The following PEX13 variants were observed in gnomAD, a reference collection of about 807,000 sequenced individuals.
PEX13 encodes peroxisome biogenesis factor 13.
Under a neutral mutation model 34.5 loss-of-function variants are expected in PEX13, and 28 were observed. That is an observed-to-expected ratio of 0.81 (90% CI 0.60 to 1.11). The LOEUF (loss-of-function observed/expected upper bound fraction) is 1.11. Among genes scored for constraint, PEX13 ranks in the 50% most tolerant of loss-of-function variants. PEX13 has a pLI of 0.00. For missense variants in PEX13, 550 were observed against 491.0 expected, an observed-to-expected ratio of 1.12 and a Z score of -1.13; for synonymous variants, 177 against 175.1, an observed-to-expected ratio of 1.01 and a Z score of -0.09.
intron 3 of PEX13, among the ~76,000 whole-genome samples, chr2:61,047,471 T>C (rs1039705847): frequency 2.6e-5 from 4 of 152,190 alleles, no homozygotes. Context: ...ATTTTTCTTA[T>C]AGGGAAAATA....
chr2:61,032,726 T>G (rs1368522003), intron 2 of PEX13, among the ~76,000 whole-genome samples: 2 of 152,194 alleles, frequency 1.3e-5, no homozygotes, highest in Non-Finnish European at 2.9e-5. Flanking sequence ...ATTAGCTCAC[T>G]TTAGAAAAGA....
chr2:61,039,927 A>G (rs1680594760), intron 2 of PEX13, among the ~76,000 whole-genome samples: 1 of 152,250 alleles, frequency 6.6e-6, no homozygotes, highest in African/African-American at 2.4e-5. Context: ...AAAGTAGGCA[A>G]AAGATATGAA....
At chr2:61,027,159 A>G (rs1369361087) in intron 1 of PEX13, among the ~76,000 whole-genome samples, 1 of 150,838 alleles carries the variant, frequency 6.6e-6, no homozygotes, top group Non-Finnish European at 1.5e-5. Flanking sequence ...ACCCATTTCT[A>G]CAAAAAATAT....
At chr2:61,029,521 T>C (rs750943260) in intron 1 of PEX13, among the ~76,000 whole-genome samples, 17 of 152,222 alleles carry the variant, frequency 1.1e-4, no homozygotes, top group Non-Finnish European at 2.2e-4. Flanking sequence ...GCAGCATTAT[T>C]TGTAATAGCC....
Position 61,048,600 on chromosome 2 carries a change from GTTTC to G in PEX13, c.1043_1046del (p.Val348AlafsTer12), listed in dbSNP as rs1680746890. On this transcript the variant is annotated frameshift_variant, in exon 4 of 4. Transcript: ENST00000295030. LOFTEE classifies it high-confidence loss of function. ...TAGGAAAACGGTGGAATCAAGTAAAGTTTCCAAGCAGCAACAATCTTTTACCAAC... is the reference window on the plus strand; with the variant it reads ...TAGGAAAACGGTGGAATCAAGTAAAGCAAGCAGCAACAATCTTTTACCAAC... 2 of 1,614,008 alleles carry G rather than the reference GTTTC, an allele frequency of 1.2e-6. No individual in the cohort carries two copies. Among genetic ancestry groups the G allele is most frequent in the African/African-American group, 2.7e-5 (2 of 74,898 alleles).
rs1230117153 is a variant in PEX13 at position 61,051,181 on chromosome 2, A to G, written c.*2411A>G. On this transcript the variant is annotated 3_prime_UTR_variant, in exon 4 of 4. Coordinates refer to ENST00000295030, the MANE Select transcript of PEX13 (RefSeq NM_002618.4). The stretch of plus-strand genomic sequence containing the variant: ...TCCAACACCCAGGTATTAGCCTTGA[A>G]GTTGAAGAGATAAGGTTTCTTGTAT... 6.6e-6 allele frequency: 1 copy of G among 152,284 alleles called. No homozygotes were observed. The highest frequency in any genetic ancestry group is 2.1e-4 in the South Asian group (1 of 4,834). The allele number at this position is 152,284 out of a possible 1,614,324, so 9.4% of individuals were successfully genotyped here.
rs1289858501 is a variant in PEX13 at position 61,049,887 on chromosome 2, T to G, written c.*1117T>G. 6.6e-6 allele frequency: 1 copy of G among 152,334 alleles called. No individual in the cohort carries two copies. Among genetic ancestry groups the G allele is most frequent in the Non-Finnish European group, 1.5e-5 (1 of 68,050 alleles). 9.4% of individuals were successfully genotyped at this position (152,334 alleles called of 1,614,324 possible). On this transcript the variant is annotated 3_prime_UTR_variant, in exon 4 of 4. Coordinates refer to ENST00000295030, the MANE Select transcript of PEX13 (RefSeq NM_002618.4). Reference sequence around the variant, plus strand: ...CCTACAACAAATACTTGAGTTCTTTTGAGTTTGCACTTAATGATATAATCA... The same window carrying G: ...CCTACAACAAATACTTGAGTTCTTTGGAGTTTGCACTTAATGATATAATCA...
chr2:61,027,789 T>C (rs1307116747), intron 1 of PEX13, among the ~76,000 whole-genome samples: 2 of 152,190 alleles, frequency 1.3e-5, no homozygotes, highest in Non-Finnish European at 2.9e-5. Context: ...TCTCTATTAT[T>C]GCTTATACTT....
intron 1 of PEX13, among the ~76,000 whole-genome samples, chr2:61,023,780 T>C (rs952277596): frequency 6.8e-6 from 1 of 147,878 alleles, no homozygotes; most frequent in Non-Finnish European, 1.5e-5. Context: ...GCCATCTCTG[T>C]CTTTTGTTTT....
chr2:61,050,517 A>G lies in PEX13; in HGVS notation c.*1747A>G, dbSNP rs1680779168. 1 of 152,528 alleles carries G rather than the reference A, an allele frequency of 6.6e-6. No homozygotes were observed. Among genetic ancestry groups the G allele is most frequent in the South Asian group, 2.1e-4 (1 of 4,834 alleles). The allele number at this position is 152,528 out of a possible 1,614,324, so 9.4% of individuals were successfully genotyped here. On this transcript the variant is annotated 3_prime_UTR_variant, in exon 4 of 4. Coordinates refer to ENST00000295030, the MANE Select transcript of PEX13 (RefSeq NM_002618.4). ...AAACTTCATATACTTGGCTACGAACATACTACAGAGTAATACTATCAGGAA... is the reference window on the plus strand; with the variant it reads ...AAACTTCATATACTTGGCTACGAACGTACTACAGAGTAATACTATCAGGAA...
chr2:61,041,866 G>A (rs1010712697), intron 2 of PEX13, among the ~76,000 whole-genome samples: 2 of 152,210 alleles, frequency 1.3e-5, no homozygotes, highest in Admixed American at 6.5e-5. Flanking sequence ...GGAAGTAAGA[G>A]AGGGTGTGAT....
Position 61,051,558 on chromosome 2 carries a change from G to C in PEX13, c.*2788G>C, listed in dbSNP as rs912360247. The C allele has an allele frequency of 6.6e-6, 1 of 152,268 alleles. No individual in the cohort carries two copies. Among genetic ancestry groups the C allele is most frequent in the Non-Finnish European group, 1.5e-5 (1 of 68,014 alleles). 9.4% of individuals were successfully genotyped at this position (152,268 alleles called of 1,614,324 possible). A position where few individuals can be genotyped will look rare whatever the true frequency, so the allele number is the denominator to read the frequency against. ...CAGGACTAGAATAAAGAGAAATTTTGTAACCTTTTTTATCATGACAGTTTT... is the reference window on the plus strand; with the variant it reads ...CAGGACTAGAATAAAGAGAAATTTTCTAACCTTTTTTATCATGACAGTTTT... On this transcript the variant is annotated 3_prime_UTR_variant, in exon 4 of 4. Coordinates refer to ENST00000295030, the MANE Select transcript of PEX13 (RefSeq NM_002618.4).
At chr2:61,019,426 A>T (rs1483311577) in intron 1 of PEX13, among the ~76,000 whole-genome samples, 1 of 151,402 alleles carries the variant, frequency 6.6e-6, no homozygotes, top group Non-Finnish European at 1.5e-5. Flanking sequence ...GATGTTTTTG[A>T]TTTTAATACA....
At chr2:61,024,439 T>G (rs1680315746) in intron 1 of PEX13, among the ~76,000 whole-genome samples, 1 of 152,248 alleles carries the variant, frequency 6.6e-6, no homozygotes, top group Non-Finnish European at 1.5e-5. Context: ...TTCTTATGCT[T>G]CATTCTGGGT....
At chr2:61,031,023 C>T (rs1680440308) in intron 1 of PEX13, among the ~76,000 whole-genome samples, 1 of 152,198 alleles carries the variant, frequency 6.6e-6, no homozygotes, top group Non-Finnish European at 1.5e-5. Context: ...GGCACAGTGG[C>T]TCACACCTGT....
At position 61,031,651 on chromosome 2, in the gene PEX13, C is replaced by T. The variant is rs143972531; in HGVS notation, c.325C>T (p.Arg109Cys). 170 of 1,614,112 alleles carry T rather than the reference C, an allele frequency of 1.1e-4. No individual in the cohort carries two copies. The African/African-American group carries it at 1.6e-3, about 15-fold the overall frequency. The change falls in exon 2 of 4, where the codon CGT (arginine) becomes TGT (cysteine). Residue 109 changes from arginine (R) to cysteine (C), a missense_variant. Arg to Cys is a radical substitution (Grantham distance 180). Coordinates refer to ENST00000295030, the MANE Select transcript of PEX13 (RefSeq NM_002618.4). ...TAATGGGCTGGGCTACAACCGCCTCCGTGTAGATGATCTTCCACCCAGTAG... is the reference window on the plus strand; with the variant it reads ...TAATGGGCTGGGCTACAACCGCCTCTGTGTAGATGATCTTCCACCCAGTAG... ...GYNGLGYNRL[R>C]VDDLPPSRFV...
intron 1 of PEX13, among the ~76,000 whole-genome samples, chr2:61,025,358 C>CATTATT (rs553600004): frequency 2.2e-3 from 316 of 143,392 alleles, no homozygotes; most frequent in Middle Eastern, 4.2e-3. Context: ...TTATTATTAT[C>CATTATT]ATTATTATTA....
chr2:61,029,307 C>G (rs1166818674), intron 1 of PEX13, among the ~76,000 whole-genome samples: 1 of 152,070 alleles, frequency 6.6e-6, no homozygotes, highest in East Asian at 1.9e-4. Flanking sequence ...ACCTCACGCC[C>G]ACTAGGATAG....
Position 61,048,792 on chromosome 2 carries a change from G to A in PEX13, c.*22G>A, listed in dbSNP as rs767864122. ...TTGATATCTTTCATGTTTGCCTGCAGTTGAACAATACTTTAGAGTACTTTT... is the reference window on the plus strand; with the variant it reads ...TTGATATCTTTCATGTTTGCCTGCAATTGAACAATACTTTAGAGTACTTTT... On this transcript the variant is annotated 3_prime_UTR_variant, in exon 4 of 4. Coordinates refer to ENST00000295030, the MANE Select transcript of PEX13 (RefSeq NM_002618.4). 1.9e-6 allele frequency: 3 copies of A among 1,574,950 alleles called. No homozygotes were observed. The highest frequency in any genetic ancestry group is 2.6e-6 in the Non-Finnish European group (3 of 1,144,292).
Sources: allele counts gnomAD v4.1 joint callset (sites outside exome capture counted in the v4.1 genomes callset), GRCh38; gene constraint gnomAD v4.1.1; transcripts MANE v1.5; gene names NCBI Gene and HGNC (gene_info 2026-07-23, HGNC 2026-07-21).